Variants in CAST observed in about 807,000 individuals in gnomAD.
The protein encoded by CAST is MIR583 host.
Under a neutral mutation model 119.6 loss-of-function variants are expected in CAST, and 76 were observed. That is an observed-to-expected ratio of 0.64 (90% CI 0.53 to 0.77). The LOEUF (loss-of-function observed/expected upper bound fraction) is 0.77, where lower values mean the gene tolerates loss of function less well. CAST is among the 30% of genes least tolerant of loss of function. The pLI is 0.00. For missense variants in CAST, 953 were observed against 946.5 expected (o/e 1.01, Z -0.09); for synonymous variants, 319 against 331.6 (o/e 0.96, Z 0.41).
chr5:96,555,157 G>A (rs536832241), intron 1 of CAST, among the ~76,000 whole-genome samples: 33 of 152,312 alleles, frequency 2.2e-4, no homozygotes, highest in Non-Finnish European at 4.0e-4. Context: ...CAACCCAAAT[G>A]TCCATCAGTG....
At chr5:96,235,885 C>T in the CAST span, among the ~76,000 whole-genome samples, 34 of 152,196 alleles carry the variant, frequency 2.2e-4, no homozygotes, top group Non-Finnish European at 8.8e-5. Context: ...GTTCCCAGAT[C>T]TGCCTGAGGA....
At chr5:96,604,292 T>C (rs1408656309) in intron 1 of CAST, among the ~76,000 whole-genome samples, 2 of 152,240 alleles carry the variant, frequency 1.3e-5, no homozygotes, top group African/African-American at 4.8e-5. Flanking sequence ...TCTACTATAA[T>C]CACTTGATTC....
the CAST span, among the ~76,000 whole-genome samples, chr5:96,203,306 T>C: frequency 6.6e-6 from 1 of 151,822 alleles, no homozygotes; most frequent in East Asian, 1.9e-4. Context: ...TAGAGACTTT[T>C]AGCTATTCCA....
At chr5:96,100,795 A>C in the CAST span, among the ~76,000 whole-genome samples, 2 of 152,154 alleles carry the variant, frequency 1.3e-5, no homozygotes, top group African/African-American at 4.8e-5. Context: ...ATTATGAGGT[A>C]TTTGCATATA....
the CAST span, among the ~76,000 whole-genome samples, chr5:96,325,156 A>G: frequency 6.6e-6 from 1 of 152,116 alleles, no homozygotes; most frequent in African/African-American, 2.4e-5. Context: ...GTTACCTGAG[A>G]TCACACCACT....
intron 1 of CAST, among the ~76,000 whole-genome samples, chr5:96,569,895 G>T (rs917152653): frequency 6.6e-6 from 1 of 152,102 alleles, no homozygotes; most frequent in African/African-American, 2.4e-5. Context: ...CATCTGATTC[G>T]GCAGGGGTTT....
the CAST span, among the ~76,000 whole-genome samples, chr5:96,106,557 T>C: frequency 6.7e-6 from 1 of 149,792 alleles, no homozygotes; most frequent in Non-Finnish European, 1.5e-5. Context: ...TAATCCTGAG[T>C]TCTAGTTTGA....
At chr5:96,306,038 G>A in the CAST span, among the ~76,000 whole-genome samples, 7 of 152,114 alleles carry the variant, frequency 4.6e-5, no homozygotes, top group South Asian at 2.1e-4. Context: ...GCTCCTCCTC[G>A]TACCTCTGTT....
chr5:96,289,976 A>G, the CAST span, among the ~76,000 whole-genome samples: 1 of 152,238 alleles, frequency 6.6e-6, no homozygotes, highest in Non-Finnish European at 1.5e-5. Flanking sequence ...GAGTGATCCA[A>G]TGGATTGAGT....
intron 3 of CAST, among the ~76,000 whole-genome samples, chr5:96,705,998 C>G (rs1284886403): frequency 2.6e-5 from 4 of 152,178 alleles, no homozygotes; most frequent in Admixed American, 2.6e-4. Context: ...AGAATGCAAA[C>G]TTTTACTATA....
chr5:96,421,993 TAAAAAAAAAAAAAA>T, the CAST span: 6 of 355,772 alleles, frequency 1.7e-5, no homozygotes, highest in East Asian at 5.8e-5. Context: ...GTGGCAGCAT[TAAAAAAAAAAAAAA>T]AAAAAAAAAA....
At chr5:96,403,547 A>G in the CAST span, among the ~76,000 whole-genome samples, 1 of 152,210 alleles carries the variant, frequency 6.6e-6, no homozygotes, top group Admixed American at 6.5e-5. Flanking sequence ...TCCTTTGTTA[A>G]TTTGTGCTCA....
chr5:96,005,736 A>G, the CAST span, among the ~76,000 whole-genome samples: 52 of 152,244 alleles, frequency 3.4e-4, no homozygotes, highest in African/African-American at 1.2e-3. Context: ...GTATATGGGA[A>G]TTCTTTCTTC....
the CAST span, chr5:96,432,721 G>T: frequency 1.5e-6 from 1 of 686,214 alleles, no homozygotes; most frequent in Non-Finnish European, 2.6e-6. Context: ...GCGCGACAGG[G>T]GCGAGGGCTG....
the CAST span, among the ~76,000 whole-genome samples, chr5:96,446,180 A>AC: frequency 1.9e-5 from 1 of 52,846 alleles, no homozygotes; most frequent in African/African-American, 1.8e-4. Flanking sequence ...TTTAGTGTAC[A>AC]AAAAAAAAAA....
chr5:96,342,606 A>T, the CAST span, among the ~76,000 whole-genome samples: 24 of 152,218 alleles, frequency 1.6e-4, no homozygotes, highest in Admixed American at 1.6e-3. Context: ...ACAGACCCTA[A>T]TTATAAAATG....
At chr5:96,445,042 A>T in the CAST span, among the ~76,000 whole-genome samples, 1 of 152,172 alleles carries the variant, frequency 6.6e-6, no homozygotes, top group Non-Finnish European at 1.5e-5. Context: ...TTCCAGAGAG[A>T]AGACTCCCTG....
At chr5:96,315,505 C>T in the CAST span, among the ~76,000 whole-genome samples, 1 of 152,130 alleles carries the variant, frequency 6.6e-6, no homozygotes, top group Non-Finnish European at 1.5e-5. Flanking sequence ...GGGTAGAGAG[C>T]AAGACCAGAA....
chr5:96,097,784 A>G, the CAST span, among the ~76,000 whole-genome samples: 1 of 152,164 alleles, frequency 6.6e-6, no homozygotes, highest in Admixed American at 6.5e-5. Context: ...TAGTGTTGCA[A>G]TGAACATATG....
Sources: gnomAD v4.1 joint callset for allele counts (sites outside exome capture counted in the v4.1 genomes callset) on GRCh38, gnomAD v4.1.1 for gene constraint, MANE v1.5 for transcripts, NCBI Gene and HGNC (gene_info 2026-07-23, HGNC 2026-07-21) for gene names.